Variants in KLF13 observed in about 807,000 individuals in gnomAD.
KLF13 encodes KLF transcription factor 13, also known as Krueppel-like factor 13.
Under a neutral mutation model 16.7 loss-of-function variants are expected in KLF13, and 8 were observed. That is an observed-to-expected ratio of 0.48 (90% CI 0.28 to 0.87). KLF13 has a LOEUF of 0.87. Among genes scored for constraint, KLF13 ranks in the 40% least tolerant of loss-of-function variants. KLF13 has a pLI of 0.10. For synonymous variants in KLF13, 245 were observed against 208.4 expected (o/e 1.18, Z -1.51); for missense variants, 447 against 452.2 (o/e 0.99, Z 0.10).
chr15:31,402,618 C>G (rs2040053591), intron 2 of KLF13, among the ~76,000 whole-genome samples: 1 of 152,222 alleles, frequency 6.6e-6, no homozygotes. Context: ...GGCTGCCCCG[C>G]CATCCCACCG....
At chr15:31,349,217 A>C (rs751369927) in intron 1 of KLF13, among the ~76,000 whole-genome samples, 2 of 152,196 alleles carry the variant, frequency 1.3e-5, no homozygotes, top group Non-Finnish European at 2.9e-5. Context: ...TGTAGGGCCG[A>C]AGCCTGTGAC....
At chr15:31,426,466 T>C (rs906987362) in intron 1 of KLF13, among the ~76,000 whole-genome samples, 1 of 152,160 alleles carries the variant, frequency 6.6e-6, no homozygotes, top group Non-Finnish European at 1.5e-5. Flanking sequence ...AATGGGACTA[T>C]ATCAAACTTA....
intron 1 of KLF13, among the ~76,000 whole-genome samples, chr15:31,345,838 C>G (rs1000353604): frequency 6.6e-6 from 1 of 152,118 alleles, no homozygotes; most frequent in African/African-American, 2.4e-5. Context: ...ATATTTGCAC[C>G]GTCAGTTTAC....
chr15:31,398,771 A>G (rs1218490057), intron 2 of KLF13, among the ~76,000 whole-genome samples: 1 of 152,100 alleles, frequency 6.6e-6, no homozygotes, highest in Non-Finnish European at 1.5e-5. Context: ...TCAACCATGC[A>G]CGGTGCCCTC....
At chr15:31,401,867 G>A (rs1432914981) in intron 2 of KLF13, among the ~76,000 whole-genome samples, 1 of 152,178 alleles carries the variant, frequency 6.6e-6, no homozygotes, top group African/African-American at 2.4e-5. Context: ...CTCACCATTT[G>A]TGACCCAGCC....
At chr15:31,333,499 A>G (rs1364679690) in intron 1 of KLF13, among the ~76,000 whole-genome samples, 1 of 152,082 alleles carries the variant, frequency 6.6e-6, no homozygotes, top group Non-Finnish European at 1.5e-5. Context: ...GAACACTCCT[A>G]TACTCTTCCC....
At chr15:31,421,023 G>A (rs1470687277) in intron 1 of KLF13, among the ~76,000 whole-genome samples, 1 of 152,038 alleles carries the variant, frequency 6.6e-6, no homozygotes, top group Admixed American at 6.6e-5. Context: ...GCCTTTTTAA[G>A]TTTTCCTTTG....
At chr15:31,348,361 GT>G (rs2039160068) in intron 1 of KLF13, among the ~76,000 whole-genome samples, 1 of 152,188 alleles carries the variant, frequency 6.6e-6, no homozygotes, top group Non-Finnish European at 1.5e-5. Flanking sequence ...AAAACCACGC[GT>G]GGTACGTAGG....
chr15:31,358,847 T>C (rs970154963), intron 1 of KLF13, among the ~76,000 whole-genome samples: 1 of 152,214 alleles, frequency 6.6e-6, no homozygotes. Flanking sequence ...TGCCTCCCGA[T>C]GCCCAGAACA....
At chr15:31,414,732 A>G (rs188215950) in intron 1 of KLF13, among the ~76,000 whole-genome samples, 4 of 152,360 alleles carry the variant, frequency 2.6e-5, no homozygotes, top group Admixed American at 2.6e-4. Flanking sequence ...AAAAACTGAC[A>G]GAAATGAAGA....
At chr15:31,402,988 G>A (rs183284620) in intron 2 of KLF13, among the ~76,000 whole-genome samples, 17 of 150,028 alleles carry the variant, frequency 1.1e-4, no homozygotes, top group Admixed American at 4.6e-4. Flanking sequence ...ACAGGGCCAG[G>A]TCCCTTGGGG....
At position 31,327,488 on chromosome 15, in the gene KLF13, G is replaced by T. The variant is rs1325070928; in HGVS notation, c.276G>T (p.Ala92=). The change falls in exon 1 of 2, where the codon GCG becomes GCT. Residue 92 remains alanine, a synonymous_variant. Transcript: ENST00000307145. ...ERREGAAARK[A]RTPCRLPPPA... ...GGGAGGGCGCCGCGGCCCGGAAGGC[G>T]AGGACCCCCTGCCGCCTGCCGCCGC... 3 of 1,193,998 alleles carry T rather than the reference G, an allele frequency of 2.5e-6. No homozygotes were observed. The East Asian group carries it at 1.1e-4, about 44-fold the overall frequency. 74.0% of individuals were successfully genotyped at this position (1,193,998 alleles called of 1,614,324 possible).
At chr15:31,371,752 A>G (rs1458254617) in intron 1 of KLF13, among the ~76,000 whole-genome samples, 1 of 152,194 alleles carries the variant, frequency 6.6e-6, no homozygotes, top group Non-Finnish European at 1.5e-5. Context: ...GTACCTACCC[A>G]TGGGCCCTGC....
intron 1 of KLF13, among the ~76,000 whole-genome samples, chr15:31,434,745 C>T (rs1377989871): frequency 6.6e-6 from 1 of 152,188 alleles, no homozygotes; most frequent in East Asian, 1.9e-4. Flanking sequence ...CATCCTCAGC[C>T]CTGTGGATTG....
At chr15:31,433,827 C>T (rs1405727998) in intron 1 of KLF13, among the ~76,000 whole-genome samples, 1 of 152,216 alleles carries the variant, frequency 6.6e-6, no homozygotes, top group Non-Finnish European at 1.5e-5. Context: ...CACGCCAGTC[C>T]CTGGCAGCCG....
At chr15:31,423,740 T>C (rs2040371376) in intron 1 of KLF13, among the ~76,000 whole-genome samples, 1 of 152,154 alleles carries the variant, frequency 6.6e-6, no homozygotes. Flanking sequence ...CATGGAACAT[T>C]CTTCAGGATA....
At chr15:31,427,824 G>A (rs891374851) in intron 1 of KLF13, among the ~76,000 whole-genome samples, 1 of 152,110 alleles carries the variant, frequency 6.6e-6, no homozygotes, top group African/African-American at 2.4e-5. Flanking sequence ...GCAGGAGCAA[G>A]AGAGAGAGGG....
chr15:31,372,367 G>A lies in KLF13; in HGVS notation c.*68G>A. 1 of 1,368,820 alleles carries A rather than the reference G, an allele frequency of 7.3e-7. No homozygotes were observed. Among genetic ancestry groups the A allele is most frequent in the Non-Finnish European group, 9.5e-7 (1 of 1,056,912 alleles). The allele number at this position is 1,368,820 out of a possible 1,614,324, so 84.8% of individuals were successfully genotyped here. ...TCCCTGGCCTTTCCTTTTGTAATAA[G>A]AAAGAAGAGAGAGAACTTGATGCAA... On this transcript the variant is annotated 3_prime_UTR_variant, in exon 2 of 2. Transcript: ENST00000307145.
At chr15:31,381,574 C>T (rs2039726990), downstream of KLF13, among the ~76,000 whole-genome samples, 2 of 152,196 alleles carry the variant, frequency 1.3e-5, no homozygotes, top group African/African-American at 4.8e-5. Flanking sequence ...CCTTCATGTC[C>T]TTCCTGCACT....
Sources: allele counts gnomAD v4.1 joint callset (sites outside exome capture counted in the v4.1 genomes callset), GRCh38; gene constraint gnomAD v4.1.1; transcripts MANE v1.5; gene names NCBI Gene and HGNC (gene_info 2026-07-23, HGNC 2026-07-21).